Variants in HGF observed in about 807,000 individuals in gnomAD.
HGF encodes hepatocyte growth factor.
In HGF, 39 loss-of-function variants were observed where a neutral mutation model predicts 111.6. That is an observed-to-expected ratio of 0.35 (90% CI 0.27 to 0.46). The LOEUF (loss-of-function observed/expected upper bound fraction) is 0.46. Ranked by LOEUF, HGF falls within the 20% of genes least tolerant of loss-of-function variation. HGF has a pLI of 1.00. For synonymous variants in HGF, 285 were observed against 294.8 expected (o/e 0.97, Z 0.34); for missense variants, 735 against 910.5 (o/e 0.81, Z 2.48).
chr7:81,724,435 A>G (rs1014736074), intron 9 of HGF, among the ~76,000 whole-genome samples: 1 of 152,198 alleles, frequency 6.6e-6, no homozygotes, highest in Non-Finnish European at 1.5e-5. Flanking sequence ...AACCACGATC[A>G]TGACCATCAC....
Position 81,720,617 on chromosome 7 carries a change from A to G in HGF, c.1271+128T>C, listed in dbSNP as rs1156905119. On this transcript the variant is annotated intron_variant, in intron 10 of 17. Transcript: ENST00000222390. ...TTATGATGAGTTGTAAAGAAAAACC[A>G]ATCTAATGCTTTTATTAGCTTACCA... The G allele has an allele frequency of 7.5e-6, 5 of 670,634 alleles. No individual in the cohort carries two copies. The African/African-American group carries it at 9.0e-5, about 12-fold the overall frequency. 41.5% of individuals were successfully genotyped at this position (670,634 alleles called of 1,614,324 possible).
At chr7:81,722,800 C>A (rs2040963) in intron 9 of HGF, among the ~76,000 whole-genome samples, 100,787 of 130,276 alleles carry the variant, frequency 0.77, 38,791 homozygotes, top group Middle Eastern at 0.88. Context: ...GGCGACAGAG[C>A]GAGATTCTGT....
At chr7:81,735,619 A>G (rs1053182733) in intron 7 of HGF, among the ~76,000 whole-genome samples, 4 of 152,138 alleles carry the variant, frequency 2.6e-5, no homozygotes, top group African/African-American at 9.6e-5. Flanking sequence ...ATGTTCTTTT[A>G]AAGTTATGTC....
chr7:81,743,609 G>A (rs1455925900), intron 6 of HGF, 138 bp from the exon 7 acceptor site: 11 of 733,996 alleles, frequency 1.5e-5, no homozygotes, highest in Non-Finnish European at 2.5e-5. Flanking sequence ...TTTGCCTTAC[G>A]AGGACTGCTG....
chr7:81,718,554 A>G (rs927293049), intron 10 of HGF, among the ~76,000 whole-genome samples: 1 of 152,190 alleles, frequency 6.6e-6, no homozygotes, highest in African/African-American at 2.4e-5. Flanking sequence ...ATCCTTGATC[A>G]ATTTCCTACA....
intron 6 of HGF, 88 bp downstream of exon 6, chr7:81,744,912 T>A (rs1788168688): frequency 6.4e-6 from 9 of 1,403,724 alleles, no homozygotes; most frequent in Non-Finnish European, 9.0e-6. Context: ...GAAAACATAA[T>A]ATAAAGAGAA....
chr7:81,766,186 C>T (rs567599362), intron 1 of HGF, among the ~76,000 whole-genome samples: 8 of 152,142 alleles, frequency 5.3e-5, no homozygotes, highest in Admixed American at 6.5e-5. Context: ...ACCTCACACT[C>T]ATTTCTCTCA....
At chr7:81,708,054 T>A (rs558646139) in intron 13 of HGF, among the ~76,000 whole-genome samples, 35 of 152,268 alleles carry the variant, frequency 2.3e-4, no homozygotes, top group African/African-American at 8.2e-4. Flanking sequence ...TAAATCCATT[T>A]TTTTTGGCAG....
At position 81,717,250 on chromosome 7, in the gene HGF, A is replaced by T; in HGVS notation, c.1387T>A (p.Tyr463Asn). 1 of 1,613,712 alleles carries T rather than the reference A, an allele frequency of 6.2e-7. No homozygotes were observed. Among genetic ancestry groups the T allele is most frequent in the Non-Finnish European group, 8.5e-7 (1 of 1,179,648 alleles). Residue 463 changes from tyrosine (Y) to asparagine (N), a missense_variant, in exon 11 of 18, where the codon TAT (tyrosine) becomes AAT (asparagine). This residue lies in a region of HGF where 553 missense variants were observed against 685.6 expected (regional missense o/e 0.81). Transcript: ENST00000222390. ...TACTTACAACGAGAAATAGGGCAAT[A>T]ATCCCAAGGAATGAGTGGATTTCCC... ...YTGNPLIPWD[Y>N]CPISRCEGDT...
At chr7:81,709,175 AAG>A (rs975466772) in intron 13 of HGF, among the ~76,000 whole-genome samples, 3 of 152,128 alleles carry the variant, frequency 2.0e-5, no homozygotes, top group Non-Finnish European at 4.4e-5. Context: ...GGTATTCTAA[AAG>A]AGGGGATATT....
chr7:81,762,657 T>G (rs1382749250), intron 2 of HGF, 50 bp downstream of exon 2: 1 of 1,253,448 alleles, frequency 8.0e-7, no homozygotes, highest in South Asian at 1.2e-5. Context: ...TTATAATACA[T>G]GCATGCTATA....
intron 2 of HGF, among the ~76,000 whole-genome samples, chr7:81,760,961 T>C (rs1789043501): frequency 6.6e-6 from 1 of 152,170 alleles, no homozygotes; most frequent in South Asian, 2.1e-4. Context: ...GGAAAGTTTT[T>C]CTTTCCTAAG....
chr7:81,728,884 T>G (rs5745693), intron 8 of HGF, among the ~76,000 whole-genome samples: 2 of 152,188 alleles, frequency 1.3e-5, no homozygotes, highest in Non-Finnish European at 2.9e-5. Flanking sequence ...TGTTATTAAT[T>G]TCAAAAGCAA....
Position 81,762,795 on chromosome 7 carries a change from C to T in HGF, c.166G>A (p.Ala56Thr). 6.2e-7 allele frequency: 1 copy of T among 1,604,912 alleles called. No individual in the cohort carries two copies. The highest frequency in any genetic ancestry group is 1.1e-5 in the South Asian group (1 of 90,878). Residue 56 changes from alanine (A) to threonine (T), a missense_variant, in exon 2 of 18, where the codon GCA becomes ACA. Ala to Thr is a moderately conservative substitution (Grantham distance 58, BLOSUM62 0). Around this residue, in one of 3 missense-constraint regions of HGF, gnomAD observed 553 missense variants for 685.6 expected, o/e 0.81. Transcript: ENST00000222390. ...AKTTLIKIDP[A>T]LKIKTKKVNT... ...ACTTTTTTGGTTTTTATCTTCAGTG[C>T]TGGATCTATTTTGATTAGGGTAGTC...
At chr7:81,741,567 ATGTGTGTGTGTGTGTC>A (rs1368211665) in intron 7 of HGF, among the ~76,000 whole-genome samples, 12 of 144,026 alleles carry the variant, frequency 8.3e-5, no homozygotes, top group African/African-American at 3.2e-4. Flanking sequence ...GTGAGTGTGT[ATGTGTGTGTGTGTGTC>A]TGTGTGTGTG....
chr7:81,731,723 T>C (rs2115941958), intron 7 of HGF, among the ~76,000 whole-genome samples: 1 of 152,316 alleles, frequency 6.6e-6, no homozygotes, highest in Non-Finnish European at 1.5e-5. Flanking sequence ...TAAAAGGTGA[T>C]AACTCTAAAA....
chr7:81,735,079 C>T (rs894955916), intron 7 of HGF, among the ~76,000 whole-genome samples: 3 of 152,052 alleles, frequency 2.0e-5, no homozygotes, highest in African/African-American at 7.2e-5. Context: ...ACTCTCCCAT[C>T]AACAATACTT....
At chr7:81,748,737 A>C (rs1250290220) in intron 5 of HGF, among the ~76,000 whole-genome samples, 1 of 152,216 alleles carries the variant, frequency 6.6e-6, no homozygotes, top group African/African-American at 2.4e-5. Flanking sequence ...CTCACAGAGT[A>C]ATGGTTTCTG....
At chr7:81,720,647 A>T (rs1789828551) in intron 10 of HGF, 98 bp downstream of exon 10, 1 of 740,164 alleles carries the variant, frequency 1.4e-6, no homozygotes, top group Admixed American at 2.0e-5. Context: ...TTACCATGAT[A>T]TATAAAAGAA....
Sources: gnomAD v4.1 joint callset for allele counts (sites outside exome capture counted in the v4.1 genomes callset) on GRCh38, gnomAD v4.1.1 for gene constraint, gnomAD v4.1.1 regional missense constraint, MANE v1.5 for transcripts, NCBI Gene and HGNC (gene_info 2026-07-23, HGNC 2026-07-21) for gene names.